The following TNC variants were observed in gnomAD, a reference collection of about 807,000 sequenced individuals.
TNC encodes the protein tenascin.
A neutral mutation model predicts 202.4 loss-of-function variants in TNC; 109 were observed. The observed-to-expected ratio is 0.54, with a 90% confidence interval of 0.46 to 0.63. TNC has a LOEUF of 0.63. Among genes scored for constraint, TNC ranks in the 30% least tolerant of loss-of-function variants. TNC has a pLI of 0.00. For synonymous variants in TNC, 1,007 were observed against 1,089.7 expected, an observed-to-expected ratio of 0.92 and a Z score of 1.50; for missense variants, 2,756 against 2,833.3, an observed-to-expected ratio of 0.97 and a Z score of 0.62.
At chr9:115,097,261 G>T (rs62580463) in intron 1 of TNC, among the ~76,000 whole-genome samples, 5,530 of 152,240 alleles carry the variant, frequency 0.036, 173 homozygotes, top group Middle Eastern at 0.11. Context: ...AGATACATAT[G>T]TCTATCTCAT....
At chr9:115,099,579 G>C (rs865829042) in intron 1 of TNC, among the ~76,000 whole-genome samples, 3 of 152,174 alleles carry the variant, frequency 2.0e-5, no homozygotes, top group Admixed American at 6.5e-5. Context: ...AACATTGCCT[G>C]TCTGGGCCTT....
Position 115,086,329 on chromosome 9 carries a change from T to C in TNC, c.1402A>G (p.Met468Val). ...QGFKGYDCSD[M>V]SCPNDCHQHG... is the part of the protein sequence containing the mutation. ...TGGTGACAGTCATTAGGGCAGCTCA[T>C]GTCACTGCAGTCATAGCCCTTGAAG... The change falls in exon 3 of 28, where the codon ATG (methionine) becomes GTG (valine). Residue 468 changes from methionine to valine, a missense_variant. Met to Val is a conservative substitution (Grantham distance 21). This residue lies in a region of TNC where 2,559 missense variants were observed against 2,546.0 expected (regional missense o/e 1.01). Coordinates refer to ENST00000350763, the MANE Select transcript of TNC (RefSeq NM_002160.4). The C allele has an allele frequency of 3.1e-6, 5 of 1,614,118 alleles. No homozygotes were observed. The highest frequency in any genetic ancestry group is 3.4e-6 in the Non-Finnish European group (4 of 1,179,996).
chr9:115,057,171 T>G lies in TNC; in HGVS notation c.4561A>C (p.Ser1521Arg), dbSNP rs1404719953. Residue 1521 changes from serine to arginine, a missense_variant, in exon 15 of 28, where the codon AGT (serine) becomes CGT (arginine). Coordinates refer to ENST00000350763, the MANE Select transcript of TNC (RefSeq NM_002160.4). ...CATGTACCTGTCGTGGCTGTGGCACTGATGGTTTTGGTCCGGATGCTGGGA... is the reference window on the plus strand; with the variant it reads ...CATGTACCTGTCGTGGCTGTGGCACGGATGGTTTTGGTCCGGATGCTGGGA... Reference protein sequence around the residue: ...LAPSIRTKTISATATTEALPL... With the variant: ...LAPSIRTKTIRATATTEALPL... The G allele has an allele frequency of 6.2e-7, 1 of 1,613,268 alleles. No individual in the cohort carries two copies. Among genetic ancestry groups the G allele is most frequent in the Non-Finnish European group, 8.5e-7 (1 of 1,179,480 alleles).
intron 1 of TNC, among the ~76,000 whole-genome samples, chr9:115,092,461 A>T (rs1030637618): frequency 6.6e-5 from 10 of 152,234 alleles, no homozygotes; most frequent in Admixed American, 3.3e-4. Flanking sequence ...TACTAAAACA[A>T]TGCTATGGAG....
chr9:115,080,888 G>C (rs1834252723), intron 6 of TNC, among the ~76,000 whole-genome samples: 1 of 138,552 alleles, frequency 7.2e-6, no homozygotes, highest in South Asian at 2.4e-4. Context: ...CTCCAGCCTG[G>C]GTGACAGAAA....
chr9:115,090,564 G>T lies in TNC; in HGVS notation c.455C>A (p.Thr152Lys). 1 of 1,568,186 alleles carries T rather than the reference G, an allele frequency of 6.4e-7. No homozygotes were observed. Among genetic ancestry groups the T allele is most frequent in the Non-Finnish European group, 8.7e-7 (1 of 1,155,994 alleles). ...AGAGCCLQPA[T>K]GRLDTRPFCS... ...CTGGGCGGGCCACCAGCTCATACCT[G>T]TGGCAGGCTGGAGACAGCAGCCTGC... Residue 152 changes from threonine (T) to lysine (K), a missense_variant and splice_region_variant, in exon 2 of 28, where the codon ACA (threonine) becomes AAA (lysine). Thr to Lys is a moderately conservative substitution (Grantham distance 78). This residue lies in a region of TNC where 2,559 missense variants were observed against 2,546.0 expected (regional missense o/e 1.01). Transcript: ENST00000350763.
In TNC at chr9:115,069,657, TCCC is replaced by T. The variant is rs1216208146; in HGVS notation, c.3214+3943_3214+3945del. Among the ~76,000 whole-genome samples the T allele has an allele frequency of 8.0e-4, 15 of 18,666 alleles. 3 individuals carry two copies. The highest frequency in any genetic ancestry group is 4.4e-3 in the African/African-American group (15 of 3,430). 12.2% of individuals were successfully genotyped at this position (18,666 alleles called of 152,430 possible). A position where few individuals can be genotyped will look rare whatever the true frequency, so the allele number is the denominator to read the frequency against. Reference sequence around the variant, plus strand: ...CTCCCTCCCTTCCTCCCTCCCTCCCTCCCTCCCTCCCTTCCTCCCTCCCTCCCT... The same window carrying T: ...CTCCCTCCCTTCCTCCCTCCCTCCCTTCCCTCCCTTCCTCCCTCCCTCCCT... On this transcript the variant is annotated intron_variant, in intron 10 of 27. Transcript: ENST00000350763.
At chr9:115,027,950 C>T (rs1257904906) in intron 25 of TNC, among the ~76,000 whole-genome samples, 1 of 152,118 alleles carries the variant, frequency 6.6e-6, no homozygotes, top group Non-Finnish European at 1.5e-5. Context: ...AGACAAAAAC[C>T]CCTTAACTGA....
At chr9:115,055,712 T>C (rs1191083286) in intron 15 of TNC, 1 of 152,460 alleles carries the variant, frequency 6.6e-6, no homozygotes, top group Non-Finnish European at 1.5e-5. Context: ...CCAGGTCATG[T>C]TTGAGACAGT....
chr9:115,078,932 T>C (rs923183950), intron 6 of TNC, among the ~76,000 whole-genome samples: 1 of 152,168 alleles, frequency 6.6e-6, no homozygotes, highest in African/African-American at 2.4e-5. Flanking sequence ...CCTCTAAAAA[T>C]CTCCTATGCA....
chr9:115,060,263 G>A (rs1470055661), intron 13 of TNC, among the ~76,000 whole-genome samples: 2 of 152,116 alleles, frequency 1.3e-5, no homozygotes, highest in Admixed American at 6.5e-5. Flanking sequence ...ACAACCCACC[G>A]GGAGCATGCA....
chr9:115,038,264 T>C lies in TNC; in HGVS notation c.5509A>G (p.Lys1837Glu). Residue 1837 changes from lysine to glutamate, a missense_variant, in exon 20 of 28, where the codon AAA becomes GAA. Transcript: ENST00000350763. ...DSYVISYTGE[K>E]VPEITRTVSG... ...AGAGACTTGGACAAAACCTTACCTT[T>C]CTCGCCTGTGTAGGAGATGACATAA... The C allele has an allele frequency of 6.2e-7, 1 of 1,613,856 alleles. No homozygotes were observed. The highest frequency in any genetic ancestry group is 8.5e-7 in the Non-Finnish European group (1 of 1,179,776).
Position 115,076,119 on chromosome 9 carries a change from G to C in TNC, c.2863C>G (p.Leu955Val). 1 of 1,613,610 alleles carries C rather than the reference G, an allele frequency of 6.2e-7. No homozygotes were observed. The highest frequency in any genetic ancestry group is 8.5e-7 in the Non-Finnish European group (1 of 1,179,544). Reference sequence around the variant, plus strand: ...ATCCCATATTCAGTTCCCGGCCTCAGACCTAAGGAGAGAATGTGCAAGTTG... The same window carrying C: ...ATCCCATATTCAGTTCCCGGCCTCACACCTAAGGAGAGAATGTGCAAGTTG... The part of the protein sequence containing the change: ...QATTKTTLTG[L>V]RPGTEYGIGV... Residue 955 changes from leucine (L) to valine (V), a missense_variant and splice_region_variant, in exon 9 of 28, where the codon CTG (leucine) becomes GTG (valine). Transcript: ENST00000350763.
rs748065016 is a variant in TNC at position 115,073,675 on chromosome 9, C to T, written c.3142G>A (p.Glu1048Lys). ...YVLRGLEPGQ[E>K]YNVLLTAEKG... Reference sequence around the variant, plus strand: ...TCGGCTGTCAGGAGGACATTGTACTCCTGTCCTGGTTCCAGGCCTCTCAGG... The same window carrying T: ...TCGGCTGTCAGGAGGACATTGTACTTCTGTCCTGGTTCCAGGCCTCTCAGG... The change falls in exon 10 of 28, where the codon GAG (glutamate) becomes AAG (lysine). Residue 1048 changes from glutamate (E) to lysine (K), a missense_variant. By Grantham distance (56) the Glu-to-Lys change is moderately conservative (BLOSUM62 1). Coordinates refer to ENST00000350763, the MANE Select transcript of TNC (RefSeq NM_002160.4). 5 of 1,614,166 alleles carry T rather than the reference C, an allele frequency of 3.1e-6. No individual in the cohort carries two copies. Among genetic ancestry groups the T allele is most frequent in the South Asian group, 2.2e-5 (2 of 91,074 alleles).
intron 1 of TNC, among the ~76,000 whole-genome samples, chr9:115,116,679 G>A (rs962922272): frequency 3.3e-5 from 5 of 152,184 alleles, no homozygotes; most frequent in African/African-American, 1.2e-4. Flanking sequence ...GTACTTCATA[G>A]CTGTCAGCTT....
rs1479809256 is a variant in TNC, at chr9:115,084,257, T to C, written c.2083A>G (p.Ile695Val). ...GVEYFIRVFA[I>V]LENKKSIPVS... ...GGAATGCTCTTCTTGTTCTCCAGGATGGCAAATACACGGATAAAGTACTCC... is the reference window on the plus strand; with the variant it reads ...GGAATGCTCTTCTTGTTCTCCAGGACGGCAAATACACGGATAAAGTACTCC... Residue 695 changes from isoleucine to valine, a missense_variant, in exon 4 of 28, where the codon ATC becomes GTC. By Grantham distance (29) the Ile-to-Val change is conservative. Transcript: ENST00000350763. 1 of 1,614,202 alleles carries C rather than the reference T, an allele frequency of 6.2e-7. No homozygotes were observed. Among genetic ancestry groups the C allele is most frequent in the African/African-American group, 1.3e-5 (1 of 75,058 alleles).
intron 1 of TNC, among the ~76,000 whole-genome samples, chr9:115,113,006 C>T (rs1045715026): frequency 4.6e-5 from 7 of 152,134 alleles, no homozygotes; most frequent in African/African-American, 1.7e-4. Context: ...CGGGCTTTGC[C>T]CTCATGTAGC....
intron 15 of TNC, among the ~76,000 whole-genome samples, chr9:115,053,653 GT>G (rs1387423099): frequency 1.5e-4 from 23 of 152,190 alleles, no homozygotes; most frequent in Admixed American, 1.5e-3. Flanking sequence ...CTTCTTTGGA[GT>G]TTCCTCATTT....
intron 23 of TNC, among the ~76,000 whole-genome samples, chr9:115,030,908 T>G (rs1389880638): frequency 6.6e-6 from 1 of 152,188 alleles, no homozygotes; most frequent in African/African-American, 2.4e-5. Flanking sequence ...TTGTGACAGG[T>G]GCAGGGGGAG....
Sources: allele counts gnomAD v4.1 joint callset (sites outside exome capture counted in the v4.1 genomes callset), GRCh38; gene constraint gnomAD v4.1.1; regional missense constraint gnomAD v4.1.1; transcripts MANE v1.5; gene names NCBI Gene and HGNC (gene_info 2026-07-23, HGNC 2026-07-21).